NELL2: variants seen among roughly 807,000 people sequenced by gnomAD.
The protein encoded by NELL2 is protein kinase C-binding protein NELL2.
Under a neutral mutation model 109.6 loss-of-function variants are expected in NELL2, and 41 were observed. The ratio of observed to expected loss-of-function variants is 0.37; its 90% CI spans 0.29 to 0.49. The LOEUF (loss-of-function observed/expected upper bound fraction) is 0.49. NELL2 is among the 20% of genes least tolerant of loss of function. NELL2 has a pLI of 0.98. For synonymous variants in NELL2, 355 were observed against 344.7 expected, an observed-to-expected ratio of 1.03 and a Z score of -0.33; for missense variants, 900 against 1,008.3, an observed-to-expected ratio of 0.89 and a Z score of 1.45.
intron 9 of NELL2, among the ~76,000 whole-genome samples, chr12:44,768,312 G>C (rs964379347): frequency 3.0e-5 from 4 of 134,880 alleles, no homozygotes; most frequent in Non-Finnish European, 6.6e-5. Context: ...CTTTTTAAAG[G>C]GTTTTTTTTT....
At chr12:44,848,030 CA>C (rs567012744) in intron 2 of NELL2, among the ~76,000 whole-genome samples, 2,761 of 69,366 alleles carry the variant, frequency 0.04, 38 homozygotes, top group Middle Eastern at 0.13. Context: ...AACTCTGTCT[CA>C]AAAAAAAAAA....
chr12:44,733,781 G>A (rs777726508), intron 9 of NELL2, among the ~76,000 whole-genome samples: 1 of 152,018 alleles, frequency 6.6e-6, no homozygotes, highest in Middle Eastern at 3.4e-3. Context: ...AGGAAGGAAA[G>A]AAGGAATGAA....
chr12:44,814,295 A>C (rs1432536376), intron 3 of NELL2, among the ~76,000 whole-genome samples: 1 of 152,184 alleles, frequency 6.6e-6, no homozygotes, highest in East Asian at 1.9e-4. Context: ...AGTGGGAGAA[A>C]GTCACAGGGA....
intron 15 of NELL2, among the ~76,000 whole-genome samples, chr12:44,568,713 T>A (rs888765047): frequency 1.3e-5 from 2 of 152,010 alleles, no homozygotes; most frequent in Non-Finnish European, 2.9e-5. Flanking sequence ...TTCTGAAATA[T>A]AGTATGTATA....
At chr12:44,815,127 G>T (rs983730180) in intron 3 of NELL2, among the ~76,000 whole-genome samples, 1 of 152,008 alleles carries the variant, frequency 6.6e-6, no homozygotes, top group African/African-American at 2.4e-5. Context: ...AAACTATTTG[G>T]TATTACTTCA....
rs139302370 is a variant in NELL2 at position 44,800,216 on chromosome 12, T to C, written c.335+15770A>G. 3.2e-3 allele frequency among the ~76,000 whole-genome samples: 492 copies of C among 152,248 alleles called. 3 individuals carry two copies. Among genetic ancestry groups the C allele is most frequent in the African/African-American group, 0.011 (464 of 41,574 alleles). ...TTCTGAATTTGGATACTCAAGTCAA[T>C]CTCTTAATTTTGTGAAAAAAATAAA... On this transcript the variant is annotated intron_variant, in intron 3 of 19. Coordinates refer to ENST00000429094, the MANE Select transcript of NELL2 (RefSeq NM_001145108.2).
In NELL2 at chr12:44,711,296, A is replaced by T; in HGVS notation, c.1185T>A (p.Cys395Ter). ...TACTTTTCAAAAAAGTCTTACCTTT[A>T]CAAACTTTGCAACAGCTGTGAGACA... is the stretch of plus-strand genomic sequence containing the variant. ...ITLSHSCCKVCKGYDFCSERH... is the reference protein window; with the variant it reads ...ITLSHSCCKV The change falls in exon 11 of 20, where the codon TGT (cysteine) becomes TGA (stop). Residue 395 changes from cysteine (C) to a stop codon, truncating the protein, a stop_gained. Transcript: ENST00000429094. LOFTEE classifies it high-confidence loss of function. 3 of 1,611,612 alleles carry T rather than the reference A, an allele frequency of 1.9e-6. No individual in the cohort carries two copies. Among genetic ancestry groups the T allele is most frequent in the Non-Finnish European group, 2.5e-6 (3 of 1,178,070 alleles).
At chr12:44,821,808 C>T (rs933883421) in intron 2 of NELL2, among the ~76,000 whole-genome samples, 1 of 152,056 alleles carries the variant, frequency 6.6e-6, no homozygotes, top group Non-Finnish European at 1.5e-5. Flanking sequence ...ACCTTCGCCT[C>T]CCAGGTTCAA....
intron 15 of NELL2, among the ~76,000 whole-genome samples, chr12:44,571,041 G>A (rs1044187409): frequency 1.3e-5 from 2 of 152,122 alleles, no homozygotes; most frequent in African/African-American, 2.4e-5. Context: ...TAATAGGCTC[G>A]AAGCACAGCA....
At chr12:44,557,423 G>A (rs1036502109) in intron 15 of NELL2, among the ~76,000 whole-genome samples, 19 of 152,148 alleles carry the variant, frequency 1.2e-4, no homozygotes, top group Admixed American at 9.8e-4. Flanking sequence ...AGGGGAGATG[G>A]TAGAAAGAGA....
chr12:44,833,978 C>T (rs370999125), intron 2 of NELL2, among the ~76,000 whole-genome samples: 4 of 152,160 alleles, frequency 2.6e-5, no homozygotes, highest in Non-Finnish European at 2.9e-5. Flanking sequence ...GTCTAAGTTA[C>T]GTATTTCTTC....
intron 3 of NELL2, among the ~76,000 whole-genome samples, chr12:44,787,302 T>C (rs1313269430): frequency 6.6e-6 from 1 of 152,144 alleles, no homozygotes; most frequent in Non-Finnish European, 1.5e-5. Flanking sequence ...ATATACCATA[T>C]GCATAAATTG....
At chr12:44,657,923 A>ATTGTTATT (rs1947573658) in intron 13 of NELL2, among the ~76,000 whole-genome samples, 1 of 152,196 alleles carries the variant, frequency 6.6e-6, no homozygotes, top group Non-Finnish European at 1.5e-5. Context: ...TATTGTGCAT[A>ATTGTTATT]GTGCTGCAAT....
intron 13 of NELL2, among the ~76,000 whole-genome samples, chr12:44,661,320 T>G (rs751888591): frequency 2.0e-5 from 3 of 152,236 alleles, no homozygotes; most frequent in Non-Finnish European, 4.4e-5. Flanking sequence ...GGGTCACCCA[T>G]CTGGGACTCT....
chr12:44,516,901 CTTT>C (rs5797903), intron 19 of NELL2, among the ~76,000 whole-genome samples: 1 of 135,130 alleles, frequency 7.4e-6, no homozygotes, highest in Non-Finnish European at 1.6e-5. Context: ...GTAGTTGTGA[CTTT>C]TTTTTTTTTT....
intron 12 of NELL2, among the ~76,000 whole-genome samples, chr12:44,683,769 C>A (rs2078692217): frequency 6.6e-6 from 1 of 152,200 alleles, no homozygotes; most frequent in Non-Finnish European, 1.5e-5. Flanking sequence ...AGGGATGAAG[C>A]CCACTTGATC....
chr12:44,783,884 A>G (rs1316745225), intron 3 of NELL2, among the ~76,000 whole-genome samples: 1 of 152,068 alleles, frequency 6.6e-6, no homozygotes, highest in Non-Finnish European at 1.5e-5. Context: ...GTAAAACCAA[A>G]GACAATATGC....
intron 15 of NELL2, among the ~76,000 whole-genome samples, chr12:44,564,595 G>GCA (rs140478079): frequency 5.3e-5 from 8 of 151,860 alleles, no homozygotes; most frequent in African/African-American, 9.7e-5. Flanking sequence ...AATAAAACAA[G>GCA]CACACACACA....
At chr12:44,610,715 C>T in intron 14 of NELL2, 133 bp downstream of exon 14, 1 of 1,235,156 alleles carries the variant, frequency 8.1e-7, no homozygotes, top group Non-Finnish European at 1.1e-6. Flanking sequence ...AGACTATGAG[C>T]CACACACCAA....
Sources: gnomAD v4.1 joint callset for allele counts (sites outside exome capture counted in the v4.1 genomes callset) on GRCh38, gnomAD v4.1.1 for gene constraint, MANE v1.5 for transcripts, NCBI Gene and HGNC (gene_info 2026-07-23, HGNC 2026-07-21) for gene names.